The following TNFSF13B variants were observed in gnomAD, a reference collection of about 807,000 sequenced individuals.
The protein encoded by TNFSF13B is tumor necrosis factor ligand superfamily member 13B.
In TNFSF13B, 8 loss-of-function variants were observed where a neutral mutation model predicts 29.1. The ratio of observed to expected loss-of-function variants is 0.27; its 90% CI spans 0.16 to 0.50. The LOEUF is 0.50. TNFSF13B is among the 20% of genes least tolerant of loss of function. The probability of loss-of-function intolerance (pLI) is 0.98; values close to 1 mark genes in which losing one functional copy is unlikely to be tolerated. For synonymous variants in TNFSF13B, 125 were observed against 130.8 expected, an observed-to-expected ratio of 0.96 and a Z score of 0.30; for missense variants, 248 against 334.9, an observed-to-expected ratio of 0.74 and a Z score of 2.03.
chr13:108,271,444 T>TCACACACACA (rs59438208), intron 2 of TNFSF13B, among the ~76,000 whole-genome samples: 9 of 142,904 alleles, frequency 6.3e-5, no homozygotes, highest in Admixed American at 1.4e-4. Flanking sequence ...GACCCTTCTA[T>TCACACACACA]CACACACACA....
intron 3 of TNFSF13B, 82 bp from the exon 4 acceptor site, chr13:108,303,171 T>C (rs1397128478): frequency 1.1e-6 from 1 of 904,930 alleles, no homozygotes; most frequent in African/African-American, 1.7e-5. Context: ...CTTCTAAGTT[T>C]CAGAGGTAGC....
In TNFSF13B at chr13:108,297,025, T is replaced by C. The variant is rs138372377; in HGVS notation, c.482-6228T>C. On this transcript the variant is annotated intron_variant, in intron 3 of 5. Transcript: ENST00000375887. ...TTACAATGGCTTTTATATTTGCCTA[T>C]GTATGTACCTTTACTTGTATTCTTT... 7.3e-4 allele frequency among the ~76,000 whole-genome samples: 107 copies of C among 146,028 alleles called. 17 individuals carry two copies. The highest frequency in any genetic ancestry group is 1.3e-3 in the Non-Finnish European group (86 of 65,504).
At chr13:108,287,733 C>T (rs1881186947) in intron 3 of TNFSF13B, among the ~76,000 whole-genome samples, 1 of 152,098 alleles carries the variant, frequency 6.6e-6, no homozygotes, top group Non-Finnish European at 1.5e-5. Context: ...AAATTTCCAA[C>T]ATCAAATTAT....
intron 5 of TNFSF13B, among the ~76,000 whole-genome samples, chr13:108,304,802 A>G (rs1415787649): frequency 1.3e-5 from 2 of 152,192 alleles, no homozygotes; most frequent in South Asian, 2.1e-4. Context: ...AAATGATGTC[A>G]TTCTGGATCT....
chr13:108,294,394 G>A (rs1051491965), intron 3 of TNFSF13B, among the ~76,000 whole-genome samples: 26 of 151,972 alleles, frequency 1.7e-4, no homozygotes, highest in African/African-American at 6.3e-4. Flanking sequence ...TGGCCAGACT[G>A]ATCTCGAACT....
In TNFSF13B at chr13:108,307,945, T is replaced by A. The variant is rs556127339; in HGVS notation, c.*1007T>A. The stretch of plus-strand genomic sequence containing the variant: ...AAAATTCTTGGCATCCTGAAGTATG[T>A]CACATAGCATGTGCTCCTTATAAAT... On this transcript the variant is annotated 3_prime_UTR_variant, in exon 6 of 6. Transcript: ENST00000375887. The A allele has an allele frequency of 6.6e-6, 1 of 152,242 alleles. No individual in the cohort carries two copies. The highest frequency in any genetic ancestry group is 6.5e-5 in the Admixed American group (1 of 15,268). 9.4% of individuals were successfully genotyped at this position (152,242 alleles called of 1,614,324 possible).
chr13:108,273,578 AC>A (rs982149549), intron 2 of TNFSF13B, among the ~76,000 whole-genome samples: 1 of 151,986 alleles, frequency 6.6e-6, no homozygotes, highest in Non-Finnish European at 1.5e-5. Context: ...TTTCATAGCC[AC>A]CTCCTGTTGC....
chr13:108,302,212 G>A (rs1188415328), intron 3 of TNFSF13B, among the ~76,000 whole-genome samples: 1 of 152,064 alleles, frequency 6.6e-6, no homozygotes, highest in Non-Finnish European at 1.5e-5. Context: ...CTATGATCAG[G>A]ATGAAATTTG....
At chr13:108,276,482 A>G (rs1454168631) in intron 2 of TNFSF13B, among the ~76,000 whole-genome samples, 1 of 152,252 alleles carries the variant, frequency 6.6e-6, no homozygotes, top group Non-Finnish European at 1.5e-5. Context: ...AAATCAGTCA[A>G]CACAGCCAAA....
chr13:108,270,368 G>A lies in TNFSF13B; in HGVS notation c.368G>A (p.Gly123Asp). The A allele has an allele frequency of 6.2e-7, 1 of 1,614,144 alleles. No individual in the cohort carries two copies. Among genetic ancestry groups the A allele is most frequent in the Non-Finnish European group, 8.5e-7 (1 of 1,180,006 alleles). ...TTTGAACCACCAGCTCCAGGAGAAG[G>A]CAACTCCAGTCAGAACAGCAGAAAT... ...KIFEPPAPGE[G>D]NSSQNSRNKR... Residue 123 changes from glycine (G) to aspartate (D), a missense_variant, in exon 2 of 6, where the codon GGC becomes GAC. Coordinates refer to ENST00000375887, the MANE Select transcript of TNFSF13B (RefSeq NM_006573.5).
intron 3 of TNFSF13B, among the ~76,000 whole-genome samples, chr13:108,290,440 G>C (rs10508198): frequency 0.25 from 38,615 of 152,026 alleles, 5,658 homozygotes; most frequent in Non-Finnish European, 0.33. Flanking sequence ...GGGTTGTAAA[G>C]TGTTATGCTA....
At chr13:108,278,454 T>C (rs1419597873) in intron 2 of TNFSF13B, among the ~76,000 whole-genome samples, 1 of 151,942 alleles carries the variant, frequency 6.6e-6, no homozygotes, top group African/African-American at 2.4e-5. Context: ...TTAGTAGGCA[T>C]AGAGGCTTAT....
At position 108,277,926 on chromosome 13, in the gene TNFSF13B, A is replaced by G. The variant is rs572936922; in HGVS notation, c.424+7502A>G. On this transcript the variant is annotated intron_variant, in intron 2 of 5. Coordinates refer to ENST00000375887, the MANE Select transcript of TNFSF13B (RefSeq NM_006573.5). The stretch of plus-strand genomic sequence containing the variant: ...GATCTCCTATCCCATCCTGTGACTT[A>G]GAATGCCTTAACCATCTGGGAATAC... Among the ~76,000 whole-genome samples the G allele has an allele frequency of 4.6e-5, 7 of 152,202 alleles. No homozygotes were observed. The South Asian group carries it at 1.4e-3, about 32-fold the overall frequency.
intron 2 of TNFSF13B, among the ~76,000 whole-genome samples, chr13:108,279,734 T>C (rs1004720581): frequency 4.6e-5 from 7 of 152,174 alleles, no homozygotes; most frequent in Non-Finnish European, 1.0e-4. Context: ...CACAACTTGG[T>C]AGGCTAATGG....
At chr13:108,276,407 C>G (rs1206235211) in intron 2 of TNFSF13B, among the ~76,000 whole-genome samples, 1 of 152,188 alleles carries the variant, frequency 6.6e-6, no homozygotes, top group East Asian at 1.9e-4. Flanking sequence ...CGTTGACCTT[C>G]CAACCAAATC....
At chr13:108,283,378 A>C (rs1180195011) in intron 2 of TNFSF13B, among the ~76,000 whole-genome samples, 2 of 152,234 alleles carry the variant, frequency 1.3e-5, no homozygotes, top group African/African-American at 4.8e-5. Flanking sequence ...TCATTATTGA[A>C]ACATCAATTT....
chr13:108,272,915 T>C (rs1880660211), intron 2 of TNFSF13B, among the ~76,000 whole-genome samples: 1 of 151,950 alleles, frequency 6.6e-6, no homozygotes, highest in South Asian at 2.1e-4. Context: ...AATAATAGAG[T>C]AGGAAAGAAA....
At chr13:108,273,187 G>C (rs1168117989) in intron 2 of TNFSF13B, among the ~76,000 whole-genome samples, 1 of 151,778 alleles carries the variant, frequency 6.6e-6, no homozygotes, top group South Asian at 2.1e-4. Flanking sequence ...ACACAGTTGA[G>C]CCTTGAACAA....
At chr13:108,276,412 C>G (rs1233082128) in intron 2 of TNFSF13B, among the ~76,000 whole-genome samples, 1 of 152,120 alleles carries the variant, frequency 6.6e-6, no homozygotes, top group African/African-American at 2.4e-5. Flanking sequence ...ACCTTCCAAC[C>G]AAATCTTTGA....
Sources: gnomAD v4.1 joint callset for allele counts (sites outside exome capture counted in the v4.1 genomes callset) on GRCh38, gnomAD v4.1.1 for gene constraint, MANE v1.5 for transcripts, NCBI Gene and HGNC (gene_info 2026-07-23, HGNC 2026-07-21) for gene names.